Variants in PCDH11X observed in about 807,000 individuals in gnomAD.
PCDH11X encodes the protein protocadherin 11 X-linked, also known as protocadherin-11 X-linked.
Under a neutral mutation model 53.3 loss-of-function variants are expected in PCDH11X, and 18 were observed. The ratio of observed to expected loss-of-function variants is 0.34; its 90% CI spans 0.23 to 0.50. The LOEUF is 0.50. PCDH11X is among the 20% of genes least tolerant of loss of function. The probability of loss-of-function intolerance (pLI) is 0.98; values close to 1 mark genes in which losing one functional copy is unlikely to be tolerated. For synonymous variants in PCDH11X, 279 were observed against 393.3 expected (o/e 0.71, Z 3.44); for missense variants, 570 against 1,032.4 (o/e 0.55, Z 6.14).
At chrX:91,835,071 A>T (rs1937245639) in intron 4 of PCDH11X, 16 of 719,689 alleles carry the variant, frequency 2.2e-5, no homozygotes, top group Non-Finnish European at 2.7e-5. Flanking sequence ...TATAACAAAG[A>T]ATAATGATTA....
intron 6 of PCDH11X, among the ~76,000 whole-genome samples, chrX:92,102,799 T>C (rs5984147): frequency 0.3 from 32,781 of 110,046 alleles, 5,480 homozygotes; most frequent in African/African-American, 0.62. Flanking sequence ...TTTGGCACCA[T>C]GGGGTGGATA....
At chrX:92,604,737 C>T (rs1022286666) in intron 10 of PCDH11X, among the ~76,000 whole-genome samples, 5 of 109,305 alleles carry the variant, frequency 4.6e-5, no homozygotes, top group African/African-American at 6.7e-5. Flanking sequence ...TGTAAAATTA[C>T]GGAAAATCAT....
intron 10 of PCDH11X, among the ~76,000 whole-genome samples, chrX:92,535,213 T>C (rs1169800181): frequency 8.9e-6 from 1 of 111,924 alleles, no homozygotes; most frequent in Non-Finnish European, 1.9e-5. Context: ...CTGTAAAGAC[T>C]CATGCACATG....
intron 10 of PCDH11X, among the ~76,000 whole-genome samples, chrX:92,547,577 T>G (rs1290253020): frequency 9.1e-6 from 1 of 110,366 alleles, no homozygotes; most frequent in Non-Finnish European, 1.9e-5. Context: ...CTTAACATTT[T>G]GAATGTTTCT....
rs866922670 is a variant in PCDH11X, at chrX:92,386,760, C to T, written c.3145-975C>T. Among the ~76,000 whole-genome samples, 47 of 103,472 alleles carry T rather than the reference C, an allele frequency of 4.5e-4. 1 individual carries two copies. Among genetic ancestry groups the T allele is most frequent in the Middle Eastern group, 4.7e-3 (1 of 211 alleles). 89.9% of individuals were successfully genotyped at this position (103,472 alleles called of 115,157 possible). On this transcript the variant is annotated intron_variant, in intron 8 of 10. Transcript: ENST00000682573. ...AGTCTTTCCACGAAGCTAGCTTGAGCTTCCCCACAGTATGGCATGCTCCCA... is the reference window on the plus strand; with the variant it reads ...AGTCTTTCCACGAAGCTAGCTTGAGTTTCCCCACAGTATGGCATGCTCCCA...
chrX:92,535,462 G>A (rs1421956208), intron 10 of PCDH11X, among the ~76,000 whole-genome samples: 1 of 110,743 alleles, frequency 9.0e-6, no homozygotes, highest in Non-Finnish European at 1.9e-5. Flanking sequence ...ATCAGTGTAA[G>A]CTAAATAATG....
chrX:92,505,333 G>T (rs12011085), intron 10 of PCDH11X, among the ~76,000 whole-genome samples: 5,377 of 106,215 alleles, frequency 0.051, 345 homozygotes, highest in African/African-American at 0.17. Flanking sequence ...GTAGTTTTAG[G>T]TTTTACATTT....
intron 4 of PCDH11X, among the ~76,000 whole-genome samples, chrX:91,828,151 G>T (rs1379239565): frequency 1.1e-5 from 1 of 90,214 alleles, no homozygotes; most frequent in Non-Finnish European, 2.1e-5. Flanking sequence ...ATGGAGTCTC[G>T]CTCTGTCACC....
chrX:92,233,324 C>G (rs1305576505), intron 7 of PCDH11X, among the ~76,000 whole-genome samples: 1 of 111,141 alleles, frequency 9.0e-6, no homozygotes, highest in Non-Finnish European at 1.9e-5. Flanking sequence ...TAACACTCTA[C>G]ATAATATTTA....
intron 10 of PCDH11X, among the ~76,000 whole-genome samples, chrX:92,552,763 A>G (rs2074980525): frequency 9.0e-6 from 1 of 110,879 alleles, no homozygotes; most frequent in African/African-American, 3.3e-5. Flanking sequence ...AAATTTTTTC[A>G]TATACTTTCA....
rs370021386 is a variant in PCDH11X at position 91,877,055 on chromosome X, A to G, written c.815A>G (p.His272Arg). 85 of 1,181,961 alleles carry G rather than the reference A, an allele frequency of 7.2e-5. No individual in the cohort carries two copies. Among genetic ancestry groups the G allele is most frequent in the Non-Finnish European group, 9.0e-5 (79 of 877,401 alleles). The change falls in exon 6 of 11, where the codon CAT becomes CGT. Residue 272 changes from histidine (H) to arginine (R), a missense_variant. His to Arg is a conservative substitution (Grantham distance 29). Around this residue, in one of 6 missense-constraint regions of PCDH11X, gnomAD observed 8 missense variants for 75.1 expected, o/e 0.11. Transcript: ENST00000682573. ...GTAGGCACTTCAGTGACACAGCTCC[A>G]TGCCACAGATGCTGACATAGGTGAA... ...APVGTSVTQL[H>R]ATDADIGENA...
chrX:92,173,574 GA>G (rs66610440), intron 6 of PCDH11X, among the ~76,000 whole-genome samples: 4 of 107,852 alleles, frequency 3.7e-5, no homozygotes, highest in South Asian at 8.1e-4. Context: ...CAGTCACATA[GA>G]AAAAAAAATA....
chrX:92,509,427 AC>A (rs1242284319), intron 10 of PCDH11X, among the ~76,000 whole-genome samples: 2 of 109,613 alleles, frequency 1.8e-5, no homozygotes, highest in Non-Finnish European at 3.8e-5. Context: ...AAGGATAAAA[AC>A]ATCACATAAA....
intron 6 of PCDH11X, among the ~76,000 whole-genome samples, chrX:92,197,736 G>T (rs1300721371): frequency 9.0e-6 from 1 of 111,424 alleles, no homozygotes; most frequent in Admixed American, 9.6e-5. Context: ...TAACAATAAT[G>T]TATCAGTTAT....
intron 10 of PCDH11X, among the ~76,000 whole-genome samples, chrX:92,501,956 A>G (rs2073967359): frequency 9.0e-6 from 1 of 110,996 alleles, no homozygotes; most frequent in African/African-American, 3.3e-5. Flanking sequence ...ACATCATCCT[A>G]TATCTAGAAA....
chrX:92,050,844 G>A (rs899268696), intron 6 of PCDH11X, among the ~76,000 whole-genome samples: 35 of 107,959 alleles, frequency 3.2e-4, no homozygotes, highest in Non-Finnish European at 5.8e-4. Context: ...TGATTGCACT[G>A]GAACCCCATG....
In PCDH11X at chrX:92,587,652, G is replaced by A. The variant is rs993957849; in HGVS notation, c.3368-30612G>A. On this transcript the variant is annotated intron_variant, in intron 10 of 10. Coordinates refer to ENST00000682573, the MANE Select transcript of PCDH11X (RefSeq NM_032968.5). ...ATTGAATTGTGCTAAAATATATTTC[G>A]ATATACTGTAATTTTTTCTGACTTC... Among the ~76,000 whole-genome samples the A allele has an allele frequency of 6.4e-5, 7 of 109,631 alleles. No homozygotes were observed. In the East Asian group the frequency reaches 1.7e-3, roughly 27 times the overall value.
chrX:92,287,112 A>T (rs1352128538), intron 8 of PCDH11X, among the ~76,000 whole-genome samples: 2 of 111,623 alleles, frequency 1.8e-5, no homozygotes, highest in Non-Finnish European at 3.8e-5. Flanking sequence ...GTTGGAATTG[A>T]CTGTCAGTAA....
chrX:92,291,585 A>G (rs1485074116), intron 8 of PCDH11X, among the ~76,000 whole-genome samples: 2 of 99,287 alleles, frequency 2.0e-5, no homozygotes, highest in Non-Finnish European at 4.0e-5. Flanking sequence ...AAAATGAACT[A>G]TCTAATTACT....
Sources: allele counts gnomAD v4.1 joint callset (sites outside exome capture counted in the v4.1 genomes callset), GRCh38; gene constraint gnomAD v4.1.1; regional missense constraint gnomAD v4.1.1; transcripts MANE v1.5; gene names NCBI Gene and HGNC (gene_info 2026-07-23, HGNC 2026-07-21).